The following TTLL8 variants were observed in gnomAD, a reference collection of about 807,000 sequenced individuals.
The protein encoded by TTLL8 is tubulin tyrosine ligase like 8, also known as protein monoglycylase TTLL8.
A neutral mutation model predicts 77.8 loss-of-function variants in TTLL8; 65 were observed. The ratio of observed to expected loss-of-function variants is 0.84; its 90% CI spans 0.68 to 1.03. TTLL8 has a LOEUF of 1.03. TTLL8 is among the 50% of genes least tolerant of loss of function. The pLI, the probability that TTLL8 is intolerant of heterozygous loss-of-function variation, is 0.00. For synonymous variants in TTLL8, 402 were observed against 422.8 expected, an observed-to-expected ratio of 0.95 and a Z score of 0.60; for missense variants, 910 against 1,004.5, an observed-to-expected ratio of 0.91 and a Z score of 1.27.
chr22:50,030,675 G>T (rs370203836), exon 12 of TTLL8: 3 of 1,284,290 alleles, frequency 2.3e-6, no homozygotes, highest in Non-Finnish European at 2.0e-6. Flanking sequence ...CCCCCTTAAG[G>T]GTGCCAGCAA....
intron 12 of TTLL8, among the ~76,000 whole-genome samples, chr22:50,024,962 T>C (rs1406635855): frequency 6.6e-6 from 1 of 152,156 alleles, no homozygotes; most frequent in Non-Finnish European, 1.5e-5. Context: ...TTCTGAGTGT[T>C]TTTTTCCCCT....
intron 12 of TTLL8, among the ~76,000 whole-genome samples, chr22:50,021,344 A>ACG (rs2061197966): frequency 6.8e-5 from 5 of 73,564 alleles, no homozygotes; most frequent in East Asian, 5.1e-4. Flanking sequence ...TCCATCTGAT[A>ACG]TGCACTCCTC....
chr22:50,057,573 GTCAGGTCTGGGTT>G (rs1569237286), upstream of TTLL8, among the ~76,000 whole-genome samples: 12 of 80,030 alleles, frequency 1.5e-4, no homozygotes, highest in African/African-American at 4.8e-4. Flanking sequence ...CTGGGTTGGG[GTCAGGTCTGGGTT>G]GAGGGTCAGG....
At position 50,031,114 on chromosome 22, in the gene TTLL8, C is replaced by T. The variant is rs911610775; in HGVS notation, c.1708-189G>A. 2.0e-5 allele frequency among the ~76,000 whole-genome samples: 3 copies of T among 152,128 alleles called. No individual in the cohort carries two copies. In the South Asian group the frequency reaches 6.2e-4, roughly 32 times the overall value. On this transcript the variant is annotated intron_variant, in intron 11 of 13. Transcript: ENST00000266182. ...CAGGCTCTGGAGAACCTGCGGGGAA[C>T]CAAGGCTTCCTGAGGCTTGGGGGTC...
chr22:50,026,672 G>A (rs890991494), intron 12 of TTLL8, among the ~76,000 whole-genome samples: 2 of 152,232 alleles, frequency 1.3e-5, no homozygotes, highest in Non-Finnish European at 2.9e-5. Flanking sequence ...AGGAGGCTCC[G>A]TGTGGCTGTG....
chr22:50,022,021 C>G (rs2061205333), intron 12 of TTLL8, among the ~76,000 whole-genome samples: 1 of 149,072 alleles, frequency 6.7e-6, no homozygotes, highest in South Asian at 2.2e-4. Flanking sequence ...ATGATGTGCG[C>G]TCCTTCATCT....
exon 12 of TTLL8, chr22:50,030,902 G>A (rs767052271): frequency 7.6e-6 from 10 of 1,321,690 alleles, no homozygotes; most frequent in Non-Finnish European, 9.9e-6. Context: ...CGGACCCGCT[G>A]AATGGGGGCG....
intron 8 of TTLL8, among the ~76,000 whole-genome samples, chr22:50,037,407 A>G (rs750275476): frequency 1.8e-4 from 27 of 152,032 alleles, no homozygotes; most frequent in Non-Finnish European, 3.8e-4. Flanking sequence ...GGGTTTCACC[A>G]TATTGGCCAG....
chr22:50,049,255 G>A lies in TTLL8; in HGVS notation c.258C>T (p.Asp86=), dbSNP rs776077144. The change falls in exon 3 of 14, where the codon GAC becomes GAT. Residue 86 remains aspartate (D), a synonymous_variant. Coordinates refer to ENST00000266182, the Ensembl canonical transcript of TTLL8. ...ACGCATGCAGGGGACGTACCATCAC[G>A]TCGTGGATGTTGTCTGTTTTCTCCA... 18 of 1,367,560 alleles carry A rather than the reference G, an allele frequency of 1.3e-5. No homozygotes were observed. In the South Asian group the frequency reaches 1.4e-4, roughly 10 times the overall value. 84.7% of individuals were successfully genotyped at this position (1,367,560 alleles called of 1,614,324 possible). A position where few individuals can be genotyped will look rare whatever the true frequency, so the allele number is the denominator to read the frequency against.
chr22:50,020,613 C>T (rs947805315), intron 12 of TTLL8, among the ~76,000 whole-genome samples: 7 of 136,164 alleles, frequency 5.1e-5, no homozygotes, highest in Admixed American at 7.5e-5. Context: ...CTCCATCTAA[C>T]GACGTGTACC....
At chr22:50,048,532 G>T (rs563918790) in intron 3 of TTLL8, among the ~76,000 whole-genome samples, 5 of 152,242 alleles carry the variant, frequency 3.3e-5, no homozygotes, top group African/African-American at 1.2e-4. Flanking sequence ...GAACAGTGAG[G>T]AATGTTCTGA....
intron 9 of TTLL8, 42 bp from the exon 11 acceptor site, chr22:50,033,487 T>G (rs1300750217): frequency 7.5e-7 from 1 of 1,337,716 alleles, no homozygotes; most frequent in Admixed American, 1.9e-5. Flanking sequence ...ACAGCCACTG[T>G]GCAGCGGGAC....
Position 50,041,684 on chromosome 22 carries a change from G to A in TTLL8, c.767C>T (p.Ala256Val). 1 of 1,366,924 alleles carries A rather than the reference G, an allele frequency of 7.3e-7. No individual in the cohort carries two copies. Among genetic ancestry groups the A allele is most frequent in the Non-Finnish European group, 9.8e-7 (1 of 1,021,570 alleles). The allele number at this position is 1,366,924 out of a possible 1,614,324, so 84.7% of individuals were successfully genotyped here. The change falls in exon 7 of 14, where the codon GCC becomes GTC. Residue 256 changes from alanine (A) to valine (V), a missense_variant. Physicochemically the swap from Ala to Val is moderately conservative, Grantham distance 64 (BLOSUM62 0). This residue lies in a region of TTLL8 where 776 missense variants were observed against 926.1 expected (regional missense o/e 0.84). Coordinates refer to ENST00000266182, the Ensembl canonical transcript of TTLL8. The surrounding 1 kb of genome is among the most constrained non-coding windows in gnomAD (Gnocchi z 4.3). ...CTCGGCCTCAGTGAGGTCCTCCACG[G>A]CATCTGCTGACGTGTCGATGTCCTC...
chr22:50,052,725 A>G (rs2061450668), intron 1 of TTLL8, among the ~76,000 whole-genome samples: 1 of 152,262 alleles, frequency 6.6e-6, no homozygotes. Context: ...TTCACTAGAA[A>G]GATACATGTG....
In TTLL8 at chr22:50,053,528, C is replaced by T. The variant is rs142498893; in HGVS notation, c.51+1048G>A. Among the ~76,000 whole-genome samples the T allele has an allele frequency of 3.0e-3, 457 of 152,214 alleles. 2 individuals carry two copies. Among genetic ancestry groups the T allele is most frequent in the Non-Finnish European group, 5.5e-3 (376 of 68,010 alleles). ...GCGGTACCCAGAGGGATAGTTGTAG[C>T]CTTAAATGTTTATACATTTATAAAC... On this transcript the variant is annotated intron_variant, in intron 1 of 13. Coordinates refer to ENST00000266182, the Ensembl canonical transcript of TTLL8.
At chr22:50,051,264 C>T (rs1288131973) in intron 1 of TTLL8, among the ~76,000 whole-genome samples, 1 of 152,248 alleles carries the variant, frequency 6.6e-6, no homozygotes, top group African/African-American at 2.4e-5. Flanking sequence ...TAGCTTAGCT[C>T]CCTCTTATGA....
intron 5 of TTLL8, 60 bp from the exon 8 acceptor site, chr22:50,045,449 G>A: frequency 1.5e-6 from 2 of 1,336,134 alleles, no homozygotes; most frequent in South Asian, 1.1e-5. Flanking sequence ...ACTGGAGATG[G>A]GGCCAGGGCC....
In TTLL8 at chr22:50,034,558, T is replaced by A; in HGVS notation, c.922-96A>T. 8.1e-7 allele frequency: 1 copy of A among 1,236,918 alleles called. No individual in the cohort carries two copies. The highest frequency in any genetic ancestry group is 1.3e-5 in the South Asian group (1 of 78,288). The allele number at this position is 1,236,918 out of a possible 1,614,324, so 76.6% of individuals were successfully genotyped here. A position where few individuals can be genotyped will look rare whatever the true frequency, so the allele number is the denominator to read the frequency against. On this transcript the variant is annotated intron_variant, in intron 8 of 13. Transcript: ENST00000266182. This position sits in a 1 kb window ranked among gnomAD's most constrained non-coding sequence, Gnocchi z 4.1. Reference sequence around the variant, plus strand: ...GAGACTTGGAGGCCTGGGCCCCGCCTCACCCACCAAGCAGGCGCTCGGCTC... The same window carrying A: ...GAGACTTGGAGGCCTGGGCCCCGCCACACCCACCAAGCAGGCGCTCGGCTC...
rs560922239 is a variant in TTLL8, at chr22:50,018,733, G to A, written c.2204-2171C>T. 3.9e-5 allele frequency among the ~76,000 whole-genome samples: 6 copies of A among 152,326 alleles called. No homozygotes were observed. The South Asian group carries it at 8.3e-4, about 21-fold the overall frequency. ...TGGTGGAAAGACGTATTCAATGTTCGGCGGGAGAGTGGCTGCAACCTGTAC... is the reference window on the plus strand; with the variant it reads ...TGGTGGAAAGACGTATTCAATGTTCAGCGGGAGAGTGGCTGCAACCTGTAC... On this transcript the variant is annotated intron_variant, in intron 12 of 13. Transcript: ENST00000266182.
Sources: gnomAD v4.1 joint callset for allele counts (sites outside exome capture counted in the v4.1 genomes callset) on GRCh38, gnomAD v4.1.1 for gene constraint, gnomAD v4.1.1 regional missense constraint, Gnocchi (gnomAD v3.1) non-coding constraint, MANE v1.5 for transcripts, NCBI Gene and HGNC (gene_info 2026-07-23, HGNC 2026-07-21) for gene names.